Variants in GPR158 observed in about 807,000 individuals in gnomAD.
GPR158 encodes metabotropic glycine receptor.
In GPR158, 30 loss-of-function variants were observed where a neutral mutation model predicts 78.2. The ratio of observed to expected loss-of-function variants is 0.38; its 90% CI spans 0.29 to 0.52. GPR158 has a LOEUF of 0.52. Ranked by LOEUF, GPR158 falls within the 20% of genes least tolerant of loss-of-function variation. The pLI is 0.83. For missense variants in GPR158, 1,463 were observed against 1,523.5 expected, an observed-to-expected ratio of 0.96 and a Z score of 0.66; for synonymous variants, 581 against 591.1, an observed-to-expected ratio of 0.98 and a Z score of 0.25.
At chr10:25,433,472 T>C (rs974593164) in intron 4 of GPR158, among the ~76,000 whole-genome samples, 1 of 152,054 alleles carries the variant, frequency 6.6e-6, no homozygotes, top group Non-Finnish European at 1.5e-5. Flanking sequence ...CGCTTTTGAA[T>C]TTAGCAGTAT....
At position 25,496,726 on chromosome 10, in the gene GPR158, C is replaced by G. The variant is rs77215326; in HGVS notation, c.1404+30007C>G. On this transcript the variant is annotated intron_variant, in intron 5 of 10. Transcript: ENST00000376351. ...CCACTGTTAACTCGTATTCAGTAAT[C>G]ACTGTGCCAAAAACACCGAGCCAGG... Among the ~76,000 whole-genome samples, 406 of 152,276 alleles carry G rather than the reference C, an allele frequency of 2.7e-3. 3 individuals carry two copies. In the East Asian group the frequency reaches 0.052, roughly 19 times the overall value.
At chr10:25,555,988 T>C (rs1284626110) in intron 6 of GPR158, among the ~76,000 whole-genome samples, 1 of 152,202 alleles carries the variant, frequency 6.6e-6, no homozygotes, top group Non-Finnish European at 1.5e-5. Context: ...GTTTGAAAAG[T>C]GACTGGAAGA....
intron 5 of GPR158, among the ~76,000 whole-genome samples, chr10:25,513,114 C>A (rs1036810788): frequency 6.6e-6 from 1 of 151,178 alleles, no homozygotes; most frequent in Non-Finnish European, 1.5e-5. Context: ...CAATTGGTAC[C>A]AATTCTTCTT....
At chr10:25,387,075 A>G (rs1011189503) in intron 2 of GPR158, among the ~76,000 whole-genome samples, 1 of 152,110 alleles carries the variant, frequency 6.6e-6, no homozygotes, top group Non-Finnish European at 1.5e-5. Context: ...AAAAGTTTTC[A>G]GTTTTTTACC....
chr10:25,408,495 A>G (rs753375330), intron 3 of GPR158, among the ~76,000 whole-genome samples: 2 of 152,140 alleles, frequency 1.3e-5, no homozygotes, highest in Non-Finnish European at 2.9e-5. Flanking sequence ...TACAGCCCAT[A>G]CTTTATCGTC....
intron 2 of GPR158, among the ~76,000 whole-genome samples, chr10:25,318,679 A>C (rs1854898357): frequency 6.6e-6 from 1 of 152,086 alleles, no homozygotes. Context: ...CTTACTGTTT[A>C]TATAGTTTTT....
chr10:25,380,317 A>G (rs1392010125), intron 2 of GPR158, among the ~76,000 whole-genome samples: 1 of 152,152 alleles, frequency 6.6e-6, no homozygotes, highest in Non-Finnish European at 1.5e-5. Flanking sequence ...TTGTAGTTTC[A>G]AATGTGTATA....
chr10:25,364,487 C>A (rs1299257899), intron 2 of GPR158, among the ~76,000 whole-genome samples: 2 of 151,802 alleles, frequency 1.3e-5, no homozygotes, highest in Non-Finnish European at 2.9e-5. Context: ...ATCCCTGATT[C>A]GCCATTGCAA....
chr10:25,383,749 G>T (rs995917962), intron 2 of GPR158, among the ~76,000 whole-genome samples: 1 of 151,316 alleles, frequency 6.6e-6, no homozygotes, highest in African/African-American at 2.4e-5. Flanking sequence ...AAACCAAGAA[G>T]AATAGAAAAA....
chr10:25,470,224 C>T (rs1176528961), intron 5 of GPR158, among the ~76,000 whole-genome samples: 1 of 151,970 alleles, frequency 6.6e-6, no homozygotes, highest in Non-Finnish European at 1.5e-5. Context: ...ATAATCAGTG[C>T]TGTGATCTGA....
rs1852507894 is a variant in GPR158 at position 25,175,273 on chromosome 10, A to ATTCTTATT, written c.-144_-137dup. ...AGCCACCCGGGGCCAATCTCGAAAC[A>ATTCTTATT]TTCTTATTTTCAAGTCCTTTGGACT... is the stretch of plus-strand genomic sequence containing the variant. On this transcript the variant is annotated 5_prime_UTR_variant, in exon 1 of 11. Coordinates refer to ENST00000376351, the MANE Select transcript of GPR158 (RefSeq NM_020752.3). The surrounding 1 kb of genome is among the most constrained non-coding windows in gnomAD (Gnocchi z 6.4). 33 of 559,526 alleles carry ATTCTTATT rather than the reference A, an allele frequency of 5.9e-5. No homozygotes were observed. The South Asian group carries it at 9.1e-4, about 15-fold the overall frequency. The allele number at this position is 559,526 out of a possible 1,614,324, so 34.7% of individuals were successfully genotyped here.
chr10:25,406,247 A>C (rs184461926), intron 3 of GPR158, among the ~76,000 whole-genome samples: 2 of 152,294 alleles, frequency 1.3e-5, no homozygotes, highest in Admixed American at 1.3e-4. Flanking sequence ...ATAACTGTCA[A>C]ACAAAAGGAT....
intron 7 of GPR158, among the ~76,000 whole-genome samples, chr10:25,578,479 T>G (rs1381749344): frequency 6.6e-6 from 1 of 152,186 alleles, no homozygotes; most frequent in Non-Finnish European, 1.5e-5. Flanking sequence ...AGTTCAAATT[T>G]GGGGGAAGGT....
chr10:25,241,409 C>CTCTTTTCTTT (rs1206670364), intron 2 of GPR158, among the ~76,000 whole-genome samples: 3 of 108,152 alleles, frequency 2.8e-5, no homozygotes, highest in South Asian at 2.6e-4. Context: ...CTCTTCTCTT[C>CTCTTTTCTTT]TCTTTTCTTT....
intron 3 of GPR158, among the ~76,000 whole-genome samples, chr10:25,396,307 G>T (rs1326348821): frequency 6.6e-6 from 1 of 152,150 alleles, no homozygotes; most frequent in African/African-American, 2.4e-5. Context: ...GAAAGATGCT[G>T]CTACAGAAAG....
chr10:25,475,265 GA>G lies in GPR158; in HGVS notation c.1404+8553del, dbSNP rs1192151798. On this transcript the variant is annotated intron_variant, in intron 5 of 10. Transcript: ENST00000376351. ...ATGATAATTCTAATATGCTTGTAAG[GA>G]AAAAAACAAAAACGGAGGCTTACCA... is the stretch of plus-strand genomic sequence containing the variant. Among the ~76,000 whole-genome samples, 3 of 151,846 alleles carry G rather than the reference GA, an allele frequency of 2.0e-5. No homozygotes were observed. In the South Asian group the frequency reaches 6.2e-4, roughly 32 times the overall value.
chr10:25,504,424 A>G (rs1377819228), intron 5 of GPR158, among the ~76,000 whole-genome samples: 1 of 152,166 alleles, frequency 6.6e-6, no homozygotes, highest in East Asian at 1.9e-4. Flanking sequence ...CTGTCTCACA[A>G]GAATTGACTC....
At chr10:25,381,599 T>C (rs1286622957) in intron 2 of GPR158, among the ~76,000 whole-genome samples, 2 of 152,174 alleles carry the variant, frequency 1.3e-5, no homozygotes, top group Non-Finnish European at 2.9e-5. Context: ...CAGCTTTAAA[T>C]AGGAGGGACA....
chr10:25,544,440 TA>T (rs1329197447), intron 5 of GPR158, among the ~76,000 whole-genome samples: 1 of 152,138 alleles, frequency 6.6e-6, no homozygotes, highest in African/African-American at 2.4e-5. Context: ...TTCTTTAAAA[TA>T]GAGATAATAA....
Sources: gnomAD v4.1 joint callset for allele counts (sites outside exome capture counted in the v4.1 genomes callset) on GRCh38, gnomAD v4.1.1 for gene constraint, Gnocchi (gnomAD v3.1) non-coding constraint, MANE v1.5 for transcripts, NCBI Gene and HGNC (gene_info 2026-07-23, HGNC 2026-07-21) for gene names.